ZNF432: variants seen among roughly 807,000 people sequenced by gnomAD.
ZNF432 encodes zinc finger protein 432.
In ZNF432, 10 loss-of-function variants were observed where a neutral mutation model predicts 13.9. The observed-to-expected ratio is 0.72, with a 90% CI of 0.44 to 1.22. The LOEUF is 1.22. ZNF432 is among the 50% of genes most tolerant of loss of function. The pLI is 0.00. For missense variants in ZNF432, 793 were observed against 796.2 expected, an observed-to-expected ratio of 1.00 and a Z score of 0.05; for synonymous variants, 247 against 256.2, an observed-to-expected ratio of 0.96 and a Z score of 0.34.
chr19:52,045,092 C>T (rs1259139405), intron 2 of ZNF432, among the ~76,000 whole-genome samples: 1 of 152,116 alleles, frequency 6.6e-6, no homozygotes, highest in African/African-American at 2.4e-5. Flanking sequence ...TGCATGCAGC[C>T]CACAGGCCAC....
At chr19:52,035,559 G>C (rs2087073422) in intron 4 of ZNF432, 119 bp from the exon 5 acceptor site, 1 of 835,038 alleles carries the variant, frequency 1.2e-6, no homozygotes, top group African/African-American at 1.8e-5. Context: ...TTGAGACAGA[G>C]TCTCGCTCTG....
intron 1 of ZNF432, 149 bp from the exon 2 acceptor site, chr19:52,047,209 T>C (rs1271680096): frequency 2.2e-5 from 7 of 322,174 alleles, no homozygotes; most frequent in Non-Finnish European, 2.3e-5. Context: ...GGAAGTAACA[T>C]GAAGATGAAA....
rs755527364 is a variant in ZNF432 at position 52,034,658 on chromosome 19, C to A, written c.1021G>T (p.Gly341Ter). 2 of 1,613,634 alleles carry A rather than the reference C, an allele frequency of 1.2e-6. No individual in the cohort carries two copies. The highest frequency in any genetic ancestry group is 2.2e-5 in the South Asian group (2 of 91,018). Residue 341 changes from glycine to a stop codon, truncating the protein, a stop_gained, in exon 5 of 5, where the codon GGA (glycine) becomes TGA (stop). Coordinates refer to ENST00000221315, the MANE Select transcript of ZNF432 (RefSeq NM_014650.4). LOFTEE classifies it low-confidence loss of function (END_TRUNC). ...MLIIHQRTHT[G>*]EKPYICSECG... ...TCACTACAGATGTAGGGCTTCTCTCCTGTATGAGTTCGCTGATGTATAATA... is the reference window on the plus strand; with the variant it reads ...TCACTACAGATGTAGGGCTTCTCTCATGTATGAGTTCGCTGATGTATAATA...
intron 3 of ZNF432, 135 bp from the exon 4 acceptor site, chr19:52,040,718 T>G (rs970972480): frequency 1.9e-5 from 13 of 673,614 alleles, no homozygotes; most frequent in Non-Finnish European, 3.1e-5. Context: ...AAAGGGCAGA[T>G]TACAGTCAGA....
intron 1 of ZNF432, chr19:52,047,315 A>T (rs1600056650): frequency 6.0e-6 from 1 of 167,064 alleles, no homozygotes. Context: ...GATGGTGAGA[A>T]ACTACATTTT....
intron 3 of ZNF432, 145 bp from the exon 4 acceptor site, chr19:52,040,728 A>C: frequency 1.6e-6 from 1 of 622,570 alleles, no homozygotes; most frequent in Non-Finnish European, 2.8e-6. Context: ...TTACAGTCAG[A>C]CCTTAATATC....
Position 52,035,103 on chromosome 19 carries a change from G to C in ZNF432, c.576C>G (p.Val192=). ...TTTCATGAGTTCTCTGATGCTTACTGACTTGGGATTTAGTGCTATTGGCTT... is the reference window on the plus strand; with the variant it reads ...TTTCATGAGTTCTCTGATGCTTACTCACTTGGGATTTAGTGCTATTGGCTT... ...STKANSTKSQ[V]SKHQRTHEIE... Residue 192 remains valine, a synonymous_variant, in exon 5 of 5, where the codon GTC becomes GTG. Coordinates refer to ENST00000221315, the MANE Select transcript of ZNF432 (RefSeq NM_014650.4). 1 of 1,613,988 alleles carries C rather than the reference G, an allele frequency of 6.2e-7. No individual in the cohort carries two copies. The highest frequency in any genetic ancestry group is 8.5e-7 in the Non-Finnish European group (1 of 1,180,020).
At chr19:52,040,369 G>A (rs1320350947) in intron 4 of ZNF432, 119 bp downstream of exon 4, 6 of 856,432 alleles carry the variant, frequency 7.0e-6, no homozygotes, top group African/African-American at 3.3e-5. Flanking sequence ...AGGGTTTCTT[G>A]TGGAGGGAAA....
In ZNF432 at chr19:52,047,014, T is replaced by C. The variant is rs1386897538; in HGVS notation, c.-146A>G. On this transcript the variant is annotated 5_prime_UTR_variant, in exon 2 of 5. Coordinates refer to ENST00000221315, the MANE Select transcript of ZNF432 (RefSeq NM_014650.4). ...ATCTAGGTCCTGGAATCTTCCTCTT[T>C]CTTCATTTACTTCTTGTCTCTTCCC... 1.0e-5 allele frequency: 8 copies of C among 792,126 alleles called. No homozygotes were observed. The highest frequency in any genetic ancestry group is 1.6e-5 in the Non-Finnish European group (8 of 512,128). 49.1% of individuals were successfully genotyped at this position (792,126 alleles called of 1,614,324 possible). A position where few individuals can be genotyped will look rare whatever the true frequency, so the allele number is the denominator to read the frequency against.
chr19:52,043,735 G>C (rs543685604), intron 2 of ZNF432, among the ~76,000 whole-genome samples: 1 of 152,200 alleles, frequency 6.6e-6, no homozygotes, highest in South Asian at 2.1e-4. Flanking sequence ...TGGGACATTC[G>C]GGCAGCAATA....
At chr19:52,039,474 C>T (rs1479273177) in intron 4 of ZNF432, among the ~76,000 whole-genome samples, 1 of 152,076 alleles carries the variant, frequency 6.6e-6, no homozygotes, top group African/African-American at 2.4e-5. Flanking sequence ...AGAAGCCGGA[C>T]ACAAAAGACC....
chr19:52,046,209 T>G (rs914543116), intron 2 of ZNF432, among the ~76,000 whole-genome samples: 1 of 152,000 alleles, frequency 6.6e-6, no homozygotes, highest in Non-Finnish European at 1.5e-5. Context: ...TAATGCCAAA[T>G]CTGCAGTTAA....
rs781126163 is a variant in ZNF432 at position 52,034,136 on chromosome 19, A to G, written c.1543T>C (p.Cys515Arg). Residue 515 changes from cysteine to arginine, a missense_variant, in exon 5 of 5, where the codon TGC (cysteine) becomes CGC (arginine). Cys to Arg is a radical substitution (Grantham distance 180). Transcript: ENST00000221315. ...RTHTGEKPYI[C>R]NECGKGFAFK... ...GCAAAACCTTTTCCACATTCATTGC[A>G]TATGTACGGTTTCTCTCCAGTATGA... 2.5e-6 allele frequency: 4 copies of G among 1,614,138 alleles called. No individual in the cohort carries two copies. The highest frequency in any genetic ancestry group is 2.2e-5 in the South Asian group (2 of 91,068).
chr19:52,045,648 C>T (rs1348242903), intron 2 of ZNF432, among the ~76,000 whole-genome samples: 2 of 149,544 alleles, frequency 1.3e-5, no homozygotes, highest in Admixed American at 1.3e-4. Flanking sequence ...AGCCACTGTG[C>T]CCGGCCCGGA....
Position 52,034,258 on chromosome 19 carries a change from A to T in ZNF432, c.1421T>A (p.Val474Glu). ...KGFPLKSRLI[V>E]HQRTHTGEKP... ...CTCTCCAGTATGAGTTCGCTGATGT[A>T]CAATCAGCCGACTCTTCAAGGGGAA... The change falls in exon 5 of 5, where the codon GTA becomes GAA. Residue 474 changes from valine to glutamate, a missense_variant. Val to Glu is a moderately radical substitution (Grantham distance 121). Coordinates refer to ENST00000221315, the MANE Select transcript of ZNF432 (RefSeq NM_014650.4). The T allele has an allele frequency of 6.2e-7, 1 of 1,614,016 alleles. No homozygotes were observed.
chr19:52,048,128 A>AACAC (rs3138637), intron 1 of ZNF432, among the ~76,000 whole-genome samples: 9,359 of 103,270 alleles, frequency 0.091, 689 homozygotes, highest in East Asian at 0.19. Context: ...GTTTGAGCTC[A>AACAC]ACACACACAC....
At chr19:52,047,724 C>T (rs950685289) in intron 1 of ZNF432, among the ~76,000 whole-genome samples, 17 of 145,898 alleles carry the variant, frequency 1.2e-4, no homozygotes, top group Non-Finnish European at 2.4e-4. Flanking sequence ...GAACAAGAAA[C>T]ACATAGAAAA....
At position 52,034,444 on chromosome 19, in the gene ZNF432, C is replaced by T. The variant is rs866563398; in HGVS notation, c.1235G>A (p.Arg412Lys). 6 of 1,612,444 alleles carry T rather than the reference C, an allele frequency of 3.7e-6. No individual in the cohort carries two copies. The highest frequency in any genetic ancestry group is 5.1e-6 in the Non-Finnish European group (6 of 1,179,430). ...CTGATGTACAATAAGATTACTCTTC[C>T]TGGGAAAGCCTTTTCCACATTCACT... Reference protein sequence around the residue: ...ICSECGKGFPRKSNLIVHQRN... With the variant: ...ICSECGKGFPKKSNLIVHQRN... The change falls in exon 5 of 5, where the codon AGG becomes AAG. Residue 412 changes from arginine to lysine, a missense_variant. By Grantham distance (26) the Arg-to-Lys change is conservative. Transcript: ENST00000221315.
intron 2 of ZNF432, among the ~76,000 whole-genome samples, chr19:52,042,165 C>T (rs990665211): frequency 1.3e-5 from 2 of 151,988 alleles, no homozygotes; most frequent in Non-Finnish European, 2.9e-5. Flanking sequence ...TGTATATATA[C>T]GTATACAGTC....
Sources: allele counts gnomAD v4.1 joint callset (sites outside exome capture counted in the v4.1 genomes callset), GRCh38; gene constraint gnomAD v4.1.1; transcripts MANE v1.5; gene names NCBI Gene and HGNC (gene_info 2026-07-23, HGNC 2026-07-21).